The following STAG2 variants were observed in gnomAD, a reference collection of about 807,000 sequenced individuals.
STAG2 encodes STAG2 cohesin complex component.
In STAG2, 14 loss-of-function variants were observed where a neutral mutation model predicts 108.1. That is an observed-to-expected ratio of 0.13 (90% confidence interval 0.09 to 0.20). The LOEUF (loss-of-function observed/expected upper bound fraction) is 0.20. Ranked by LOEUF, STAG2 falls within the 10% of genes least tolerant of loss-of-function variation. STAG2 has a pLI of 1.00. For missense variants in STAG2, 440 were observed against 940.9 expected (o/e 0.47, Z 6.96); for synonymous variants, 307 against 302.7 (o/e 1.01, Z -0.15).
intron 1 of STAG2, among the ~76,000 whole-genome samples, chrX:123,998,847 T>C (rs1377849815): frequency 9.0e-6 from 1 of 111,539 alleles, no homozygotes; most frequent in East Asian, 2.8e-4. Flanking sequence ...AGGCCGGACA[T>C]AGTGGCTCAT....
At chrX:124,038,941 A>G (rs1305452932) in intron 6 of STAG2, among the ~76,000 whole-genome samples, 2 of 110,379 alleles carry the variant, frequency 1.8e-5, no homozygotes, top group African/African-American at 6.6e-5. Context: ...CTATACTAAA[A>G]TTATTTTTCC....
rs760436815 is a variant in STAG2 at position 124,065,823 on chromosome X, T to C, written c.2026-53T>C. ...TTTCAAGGTAATAGTGACATTTTGA[T>C]AGCCTAGGAGTTTTCACTTTGATGG... On this transcript the variant is annotated intron_variant, in intron 20 of 34. Coordinates refer to ENST00000371145, the MANE Select transcript of STAG2 (RefSeq NM_001042750.2). The C allele has an allele frequency of 2.0e-5, 16 of 820,372 alleles. No individual in the cohort carries two copies. In the African/African-American group the frequency reaches 3.4e-4, roughly 18 times the overall value. 67.6% of individuals were successfully genotyped at this position (820,372 alleles called of 1,213,427 possible). A position where few individuals can be genotyped will look rare whatever the true frequency, so the allele number is the denominator to read the frequency against.
intron 1 of STAG2, among the ~76,000 whole-genome samples, chrX:123,971,731 C>T (rs186985786): frequency 2.7e-5 from 3 of 111,162 alleles, no homozygotes; most frequent in Admixed American, 9.6e-5. Flanking sequence ...GTTTGTTTTC[C>T]GTATGTATTA....
rs372829731 is a variant in STAG2, at chrX:124,051,392, A to G, written c.1194A>G (p.Leu398=). Residue 398 remains leucine, a splice_region_variant and synonymous_variant, in exon 13 of 35, where the codon TTA becomes TTG. Transcript: ENST00000371145. The part of the protein sequence containing the change: ...VQAIKLLTLV[L]QSSEEVLTAE... ...CAATAAAATTACTCACTCTTGTTTT[A>G]CAGTAAGTATGTATTTGTTGCATAT... is the stretch of plus-strand genomic sequence containing the variant. 5 of 1,166,867 alleles carry G rather than the reference A, an allele frequency of 4.3e-6. No individual in the cohort carries two copies. Among genetic ancestry groups the G allele is most frequent in the Non-Finnish European group, 5.8e-6 (5 of 861,703 alleles).
chrX:124,088,913 CTT>C (rs374005762), intron 30 of STAG2, among the ~76,000 whole-genome samples: 1 of 78,099 alleles, frequency 1.3e-5, no homozygotes, highest in South Asian at 8.2e-4. Context: ...TGCGCCTGGC[CTT>C]TTTTTTTTTT....
chrX:123,972,918 G>A (rs1021773855), intron 1 of STAG2, among the ~76,000 whole-genome samples: 5 of 100,604 alleles, frequency 5.0e-5, no homozygotes, highest in African/African-American at 1.8e-4. Flanking sequence ...GCGTGGTGGC[G>A]CTCACCTGTG....
intron 1 of STAG2, among the ~76,000 whole-genome samples, chrX:124,018,093 T>C (rs2056791724): frequency 9.0e-6 from 1 of 111,382 alleles, no homozygotes; most frequent in African/African-American, 3.3e-5. Flanking sequence ...AGAAGGAAAA[T>C]AGTGATTGAG....
chrX:124,051,451 T>C, intron 13 of STAG2, 57 bp downstream of exon 13: 1 of 971,434 alleles, frequency 1.0e-6, no homozygotes, highest in East Asian at 3.2e-5. Flanking sequence ...AATAATATAT[T>C]AGAGTATTTG....
intron 4 of STAG2, among the ~76,000 whole-genome samples, chrX:124,028,631 G>T (rs1462642458): frequency 9.2e-6 from 1 of 108,725 alleles, no homozygotes; most frequent in Non-Finnish European, 1.9e-5. Context: ...ACTGTTAAGA[G>T]TTGAGTCGTT....
At chrX:123,962,241 G>C (rs747645696) in intron 1 of STAG2, 1 of 111,531 alleles carries the variant, frequency 9.0e-6, no homozygotes, top group Admixed American at 9.5e-5. Context: ...CCGTGGGAGA[G>C]AGAAGGTGTG....
chrX:123,970,412 G>A (rs2054305018), intron 1 of STAG2, among the ~76,000 whole-genome samples: 2 of 111,604 alleles, frequency 1.8e-5, no homozygotes, highest in Admixed American at 1.9e-4. Flanking sequence ...CTGTAGTCAA[G>A]TCATTTTCTG....
intron 1 of STAG2, among the ~76,000 whole-genome samples, chrX:123,992,272 C>G (rs1413147377): frequency 1.8e-5 from 2 of 111,435 alleles, no homozygotes; most frequent in Non-Finnish European, 3.8e-5. Context: ...AAGAATTCAG[C>G]ATTAAAATCC....
chrX:123,964,454 G>A (rs1300222582), intron 1 of STAG2, among the ~76,000 whole-genome samples: 2 of 111,709 alleles, frequency 1.8e-5, no homozygotes, highest in East Asian at 5.6e-4. Flanking sequence ...TGGAGTTACA[G>A]TGAGTCAGTA....
intron 20 of STAG2, among the ~76,000 whole-genome samples, chrX:124,065,006 T>C (rs1166752955): frequency 1.8e-5 from 2 of 111,792 alleles, no homozygotes; most frequent in African/African-American, 6.5e-5. Flanking sequence ...TGTAAGATCA[T>C]ATGGACTTTG....
At chrX:123,971,834 A>C in intron 1 of STAG2, among the ~76,000 whole-genome samples, 1 of 112,209 alleles carries the variant, frequency 8.9e-6, no homozygotes, top group Middle Eastern at 4.6e-3. Context: ...TACTTTTGTG[A>C]CTAGGGAGAA....
intron 1 of STAG2, among the ~76,000 whole-genome samples, chrX:123,962,293 TC>T (rs956966308): frequency 2.7e-5 from 3 of 111,474 alleles, no homozygotes; most frequent in Non-Finnish European, 5.6e-5. Flanking sequence ...TGAGCCCCGT[TC>T]CCATTTTCTT....
chrX:124,059,221 G>A (rs776530073), intron 15 of STAG2, among the ~76,000 whole-genome samples: 4 of 112,052 alleles, frequency 3.6e-5, no homozygotes, highest in East Asian at 2.8e-4. Context: ...GAAGGCTGAG[G>A]CACAAGAATC....
intron 24 of STAG2, 30 bp downstream of exon 24, chrX:124,068,686 T>C: frequency 2.0e-6 from 2 of 1,002,920 alleles, no homozygotes; most frequent in Non-Finnish European, 2.7e-6. Context: ...GGTAATCTTT[T>C]TGTAAGCAAC....
chrX:124,077,250 G>GTT (rs199555665), intron 26 of STAG2, among the ~76,000 whole-genome samples: 6 of 102,095 alleles, frequency 5.9e-5, no homozygotes, highest in Admixed American at 2.1e-4. Context: ...TAATTACCAG[G>GTT]TTTTTTTTTT....
Sources: allele counts gnomAD v4.1 joint callset (sites outside exome capture counted in the v4.1 genomes callset), GRCh38; gene constraint gnomAD v4.1.1; transcripts MANE v1.5; gene names NCBI Gene and HGNC (gene_info 2026-07-23, HGNC 2026-07-21).